Variants in CNTN3 observed in about 807,000 individuals in gnomAD.
The protein encoded by CNTN3 is contactin-3.
A neutral mutation model predicts 119.1 loss-of-function variants in CNTN3; 60 were observed. The ratio of observed to expected loss-of-function variants is 0.50; its 90% confidence interval spans 0.41 to 0.62. CNTN3 has a LOEUF of 0.62. Ranked by LOEUF, CNTN3 falls within the 20% of genes least tolerant of loss-of-function variation. CNTN3 has a pLI of 0.00. For missense variants in CNTN3, 1,101 were observed against 1,242.4 expected (o/e 0.89, Z 1.71); for synonymous variants, 450 against 438.7 (o/e 1.03, Z -0.32).
At chr3:74,339,174 A>G (rs1703470101) in intron 11 of CNTN3, among the ~76,000 whole-genome samples, 1 of 152,098 alleles carries the variant, frequency 6.6e-6, no homozygotes, top group African/African-American at 2.4e-5. Context: ...AGACATGTCA[A>G]TCTGATCACG....
intron 20 of CNTN3, among the ~76,000 whole-genome samples, chr3:74,281,637 C>T (rs1450239874): frequency 7.2e-5 from 11 of 152,104 alleles, no homozygotes; most frequent in South Asian, 4.1e-4. Flanking sequence ...CGTGAGTCCT[C>T]GTGCCTGGCC....
chr3:74,576,700 G>T (rs1704423051), intron 1 of CNTN3, among the ~76,000 whole-genome samples: 1 of 151,610 alleles, frequency 6.6e-6, no homozygotes. Context: ...TTTATGGTAG[G>T]TAAAAGAAAA....
chr3:74,446,569 A>C (rs1207794242), intron 4 of CNTN3, among the ~76,000 whole-genome samples: 2 of 152,146 alleles, frequency 1.3e-5, no homozygotes, highest in South Asian at 4.1e-4. Context: ...AAAACACAAA[A>C]TGGATTTCAA....
At chr3:74,301,100 A>G (rs1463810674) in intron 16 of CNTN3, among the ~76,000 whole-genome samples, 2 of 152,202 alleles carry the variant, frequency 1.3e-5, no homozygotes, top group Non-Finnish European at 2.9e-5. Flanking sequence ...TCCCTTGTTA[A>G]CAGGGTAACT....
intron 19 of CNTN3, among the ~76,000 whole-genome samples, chr3:74,289,646 CTGCTTTATCTCATTTAATTTGCAAACAA>C (rs1197211034): frequency 1.3e-5 from 2 of 152,156 alleles, no homozygotes; most frequent in Non-Finnish European, 2.9e-5. Context: ...TTGACAATAG[CTGCTTTATCTCATTTAATTTGCAAACAA>C]TGCTGTGAGT....
intron 5 of CNTN3, among the ~76,000 whole-genome samples, chr3:74,396,292 TA>T (rs1370903655): frequency 6.6e-6 from 1 of 152,076 alleles, no homozygotes; most frequent in Admixed American, 6.6e-5. Flanking sequence ...CTTAACTAAG[TA>T]GTGAATGCAG....
intron 1 of CNTN3, among the ~76,000 whole-genome samples, chr3:74,613,108 C>G (rs1265474381): frequency 1.3e-5 from 2 of 152,132 alleles, no homozygotes; most frequent in African/African-American, 4.8e-5. Context: ...TAAGCTCTTT[C>G]AAAGGCAATT....
rs113213963 is a variant in CNTN3, at chr3:74,608,393, A to G, written c.-81+5998T>C. Among the ~76,000 whole-genome samples the G allele has an allele frequency of 8.3e-3, 1,259 of 152,298 alleles. 12 individuals carry two copies. Among genetic ancestry groups the G allele is most frequent in the Non-Finnish European group, 0.012 (847 of 68,020 alleles). On this transcript the variant is annotated intron_variant, in intron 1 of 22. Transcript: ENST00000263665. ...ATGTGCTTTTGATTTGTTGTGATGC[A>G]GTCATTTAGTTATTTCTTTCATACG...
At chr3:74,499,908 C>A in intron 2 of CNTN3, 123 bp from the exon 3 acceptor site, 1 of 881,740 alleles carries the variant, frequency 1.1e-6, no homozygotes. Flanking sequence ...GCATACAAAG[C>A]AAAATGCTCT....
intron 4 of CNTN3, among the ~76,000 whole-genome samples, chr3:74,450,386 G>C (rs916517013): frequency 6.6e-6 from 1 of 151,778 alleles, no homozygotes; most frequent in African/African-American, 2.4e-5. Context: ...AAATTTCTAT[G>C]ACTCTCCCTA....
intron 5 of CNTN3, among the ~76,000 whole-genome samples, chr3:74,418,126 G>A (rs1449742660): frequency 2.0e-5 from 3 of 152,058 alleles, no homozygotes; most frequent in Non-Finnish European, 4.4e-5. Flanking sequence ...TGGGTTATTG[G>A]AGAAGCAGTC....
chr3:74,560,985 T>A (rs1230429357), intron 1 of CNTN3, among the ~76,000 whole-genome samples: 1 of 126,458 alleles, frequency 7.9e-6, no homozygotes, highest in Non-Finnish European at 1.6e-5. Flanking sequence ...ATGAGAACAC[T>A]TGGACACAGG....
At chr3:74,402,888 G>A (rs183535900) in intron 5 of CNTN3, among the ~76,000 whole-genome samples, 368 of 152,246 alleles carry the variant, frequency 2.4e-3, no homozygotes, top group African/African-American at 8.4e-3. Flanking sequence ...GTACTTTCAC[G>A]GCAGAGGGAA....
intron 13 of CNTN3, among the ~76,000 whole-genome samples, chr3:74,314,801 A>G (rs1023648090): frequency 6.6e-6 from 1 of 152,216 alleles, no homozygotes; most frequent in African/African-American, 2.4e-5. Context: ...TCAATTGTAT[A>G]TAATGGACAT....
At chr3:74,421,236 T>A (rs1701611432) in intron 5 of CNTN3, among the ~76,000 whole-genome samples, 1 of 152,016 alleles carries the variant, frequency 6.6e-6, no homozygotes, top group African/African-American at 2.4e-5. Context: ...AGTGGTATGA[T>A]CAGCTCACTG....
chr3:74,384,874 T>C (rs1704710174), intron 5 of CNTN3, among the ~76,000 whole-genome samples: 1 of 152,220 alleles, frequency 6.6e-6, no homozygotes, highest in Non-Finnish European at 1.5e-5. Context: ...CCAAATTTTA[T>C]CTCAACAACA....
At chr3:74,320,588 C>A (rs1407862607) in intron 13 of CNTN3, among the ~76,000 whole-genome samples, 1 of 152,070 alleles carries the variant, frequency 6.6e-6, no homozygotes, top group Non-Finnish European at 1.5e-5. Context: ...TTAATGGGTG[C>A]AGCACACCAA....
intron 1 of CNTN3, among the ~76,000 whole-genome samples, chr3:74,531,997 T>G (rs1272190708): frequency 1.3e-5 from 2 of 151,270 alleles, no homozygotes; most frequent in Admixed American, 6.6e-5. Context: ...ATGTTTTAAG[T>G]CATAAAGAAA....
At chr3:74,430,908 G>A (rs1701773201) in intron 4 of CNTN3, among the ~76,000 whole-genome samples, 1 of 152,040 alleles carries the variant, frequency 6.6e-6, no homozygotes, top group African/African-American at 2.4e-5. Context: ...GGATAGAAGT[G>A]GCTTGCTGAC....
Sources: gnomAD v4.1 joint callset for allele counts (sites outside exome capture counted in the v4.1 genomes callset) on GRCh38, gnomAD v4.1.1 for gene constraint, MANE v1.5 for transcripts, NCBI Gene and HGNC (gene_info 2026-07-23, HGNC 2026-07-21) for gene names.